The following HDAC4 variants were observed in gnomAD, a reference collection of about 807,000 sequenced individuals.
HDAC4 encodes the protein histone deacetylase A.
In HDAC4, 16 loss-of-function variants were observed where a neutral mutation model predicts 135.1. The observed-to-expected ratio is 0.12, with a 90% CI of 0.08 to 0.18. The LOEUF is 0.18. Ranked by LOEUF, HDAC4 falls within the 10% of genes least tolerant of loss-of-function variation. The probability of loss-of-function intolerance (pLI) is 1.00; values close to 1 mark genes in which losing one functional copy is unlikely to be tolerated. For missense variants in HDAC4, 1,143 were observed against 1,511.8 expected (o/e 0.76, Z 4.05); for synonymous variants, 685 against 653.4 (o/e 1.05, Z -0.74).
intron 1 of HDAC4, among the ~76,000 whole-genome samples, chr2:239,362,327 G>A (rs533425958): frequency 6.6e-6 from 1 of 152,284 alleles, no homozygotes; most frequent in South Asian, 2.1e-4. Flanking sequence ...CAAACACTTG[G>A]AATCTAAGGT....
At chr2:239,300,346 T>A (rs1020791387) in intron 2 of HDAC4, among the ~76,000 whole-genome samples, 1 of 152,208 alleles carries the variant, frequency 6.6e-6, no homozygotes, top group Non-Finnish European at 1.5e-5. Context: ...TTACTTAAAT[T>A]GAAATTTAAT....
At chr2:239,334,510 G>A (rs1402649562) in intron 2 of HDAC4, among the ~76,000 whole-genome samples, 1 of 135,426 alleles carries the variant, frequency 7.4e-6, no homozygotes, top group East Asian at 2.3e-4. Context: ...AGCAGAGCAA[G>A]ACTCCATCTC....
At chr2:239,387,915 G>C (rs181052489) in intron 1 of HDAC4, among the ~76,000 whole-genome samples, 1 of 152,068 alleles carries the variant, frequency 6.6e-6, no homozygotes, top group African/African-American at 2.4e-5. Flanking sequence ...GCAGCAGCCA[G>C]CTCAGATCCA....
intron 12 of HDAC4, among the ~76,000 whole-genome samples, chr2:239,124,493 G>A (rs551036497): frequency 3.9e-4 from 60 of 152,342 alleles, no homozygotes; most frequent in African/African-American, 1.3e-3. Flanking sequence ...ATGACATTCC[G>A]GCGTGTGGCC....
chr2:239,358,920 G>A (rs1303646002), intron 1 of HDAC4, among the ~76,000 whole-genome samples: 1 of 152,136 alleles, frequency 6.6e-6, no homozygotes, highest in Non-Finnish European at 1.5e-5. Context: ...TAAGACACTG[G>A]TTTCCAAAGT....
intron 1 of HDAC4, among the ~76,000 whole-genome samples, chr2:239,399,812 T>C (rs1358878471): frequency 1.3e-5 from 2 of 152,234 alleles, no homozygotes; most frequent in Non-Finnish European, 1.5e-5. Flanking sequence ...AATTAGGATT[T>C]AGTGAAGAAA....
chr2:239,320,645 T>C (rs1045601177), intron 2 of HDAC4, among the ~76,000 whole-genome samples: 2 of 152,200 alleles, frequency 1.3e-5, no homozygotes, highest in African/African-American at 4.8e-5. Flanking sequence ...TTTCTGATAA[T>C]CTATAAAATT....
chr2:239,120,531 C>T (rs1248927413), intron 12 of HDAC4, among the ~76,000 whole-genome samples: 1 of 148,270 alleles, frequency 6.7e-6, no homozygotes, highest in Non-Finnish European at 1.5e-5. Context: ...GGAGAGGAGA[C>T]CAGAGGGCCA....
At chr2:239,335,508 CAAAAAAAAAAAAA>C (rs61007856) in intron 2 of HDAC4, among the ~76,000 whole-genome samples, 1 of 59,378 alleles carries the variant, frequency 1.7e-5, no homozygotes, top group Admixed American at 1.9e-4. Context: ...ATCTGTTCAG[CAAAAAAAAAAAAA>C]AAAAAAAAAC....
intron 2 of HDAC4, among the ~76,000 whole-genome samples, chr2:239,242,278 T>C (rs1175706890): frequency 3.3e-5 from 5 of 150,320 alleles, no homozygotes; most frequent in Non-Finnish European, 1.5e-5. Context: ...GTGCCTGGGA[T>C]TGCACTGCAT....
intron 13 of HDAC4, among the ~76,000 whole-genome samples, chr2:239,114,286 G>C (rs2038936836): frequency 6.6e-6 from 1 of 152,196 alleles, no homozygotes; most frequent in African/African-American, 2.4e-5. Flanking sequence ...GAGGGAACGA[G>C]CCAGTGGCTC....
chr2:239,228,118 C>G (rs1199751289), intron 3 of HDAC4, among the ~76,000 whole-genome samples: 1 of 152,160 alleles, frequency 6.6e-6, no homozygotes, highest in Non-Finnish European at 1.5e-5. Context: ...CCAGAGGGCA[C>G]CAGGAAGCAA....
chr2:239,339,925 G>A (rs1291592370), intron 2 of HDAC4, among the ~76,000 whole-genome samples: 2 of 152,142 alleles, frequency 1.3e-5, no homozygotes, highest in East Asian at 1.9e-4. Flanking sequence ...CTCAGGCCAG[G>A]GCCACCGGCC....
intron 12 of HDAC4, among the ~76,000 whole-genome samples, chr2:239,120,776 C>A (rs1487531290): frequency 6.6e-6 from 1 of 151,866 alleles, no homozygotes; most frequent in Non-Finnish European, 1.5e-5. Context: ...AGGGCAGCAA[C>A]CCCATAGAGG....
chr2:239,261,262 CT>C (rs1265321114), intron 2 of HDAC4, among the ~76,000 whole-genome samples: 2 of 152,114 alleles, frequency 1.3e-5, no homozygotes, highest in Admixed American at 1.3e-4. Context: ...CCTAAATGCA[CT>C]TTAGGAACTA....
chr2:239,365,485 G>A (rs1694129717), intron 1 of HDAC4, among the ~76,000 whole-genome samples: 1 of 152,232 alleles, frequency 6.6e-6, no homozygotes, highest in Non-Finnish European at 1.5e-5. Context: ...CTCTGATTCT[G>A]GAACGTTCGG....
chr2:239,198,448 T>C (rs1381443640), intron 3 of HDAC4, among the ~76,000 whole-genome samples: 2 of 152,146 alleles, frequency 1.3e-5, no homozygotes, highest in Admixed American at 1.3e-4. Context: ...GGGCCTTCAG[T>C]GTACCAAGGG....
intron 2 of HDAC4, among the ~76,000 whole-genome samples, chr2:239,326,257 A>C (rs2125792532): frequency 6.6e-6 from 1 of 152,332 alleles, no homozygotes; most frequent in South Asian, 2.1e-4. Context: ...CAAGTGAAAG[A>C]AGCCACGCAC....
chr2:239,181,398 G>A (rs2044140839), intron 4 of HDAC4, among the ~76,000 whole-genome samples: 1 of 152,252 alleles, frequency 6.6e-6, no homozygotes, highest in African/African-American at 2.4e-5. Flanking sequence ...AGGAGGCCTG[G>A]GTGGGCCGAG....
Sources: gnomAD v4.1 joint callset for allele counts (sites outside exome capture counted in the v4.1 genomes callset) on GRCh38, gnomAD v4.1.1 for gene constraint, MANE v1.5 for transcripts, NCBI Gene and HGNC (gene_info 2026-07-23, HGNC 2026-07-21) for gene names.